SLC18B1: variants seen among roughly 807,000 people sequenced by gnomAD.
SLC18B1 encodes the protein MFS-type transporter SLC18B1.
Under a neutral mutation model 53.9 loss-of-function variants are expected in SLC18B1, and 62 were observed. The observed-to-expected ratio is 1.15, with a 90% CI of 0.94 to 1.42. The LOEUF (loss-of-function observed/expected upper bound fraction) is 1.42, where lower values mean the gene tolerates loss of function less well. SLC18B1 is among the 40% of genes most tolerant of loss of function. The probability of loss-of-function intolerance (pLI) is 0.00; values close to 1 mark genes in which losing one functional copy is unlikely to be tolerated. For synonymous variants in SLC18B1, 217 were observed against 200.9 expected (o/e 1.08, Z -0.68); for missense variants, 598 against 547.3 (o/e 1.09, Z -0.93).
At chr6:132,770,767 C>T in intron 13 of SLC18B1, 123 bp downstream of exon 13, 1 of 924,458 alleles carries the variant, frequency 1.1e-6, no homozygotes, top group East Asian at 2.4e-5. Context: ...TATCTACCAA[C>T]TGATGAGCCT....
chr6:132,790,064 A>G (rs529546442), intron 3 of SLC18B1, 113 bp downstream of exon 3: 1 of 844,606 alleles, frequency 1.2e-6, no homozygotes, highest in South Asian at 1.7e-5. Flanking sequence ...CACAATTTAT[A>G]AAACTATAAC....
chr6:132,787,831 G>A (rs1434600886), intron 4 of SLC18B1, among the ~76,000 whole-genome samples: 1 of 151,880 alleles, frequency 6.6e-6, no homozygotes, highest in Non-Finnish European at 1.5e-5. Context: ...GATATAACTG[G>A]TCCCCCAGAT....
In SLC18B1 at chr6:132,776,316, A is replaced by G. The variant is rs1781098161; in HGVS notation, c.897+12T>C. On this transcript the variant is annotated intron_variant, in intron 8 of 13. Coordinates refer to ENST00000275227, the MANE Select transcript of SLC18B1 (RefSeq NM_052831.3). ...TACAAAAGTGACTCAAATATAAATTAAGTGTACGTACTGGCCTTTTATCAC... is the reference window on the plus strand; with the variant it reads ...TACAAAAGTGACTCAAATATAAATTGAGTGTACGTACTGGCCTTTTATCAC... The G allele has an allele frequency of 6.3e-7, 1 of 1,591,718 alleles. No homozygotes were observed. Among genetic ancestry groups the G allele is most frequent in the African/African-American group, 1.3e-5 (1 of 74,558 alleles).
chr6:132,776,242 G>A, intron 8 of SLC18B1, 86 bp downstream of exon 8: 1 of 1,025,034 alleles, frequency 9.8e-7, no homozygotes, highest in South Asian at 1.4e-5. Flanking sequence ...TCTAACCAGT[G>A]GAATCCTAGA....
At chr6:132,793,381 T>G (rs1781597678) in intron 2 of SLC18B1, among the ~76,000 whole-genome samples, 1 of 152,232 alleles carries the variant, frequency 6.6e-6, no homozygotes, top group Admixed American at 6.5e-5. Context: ...TTTACAGCTT[T>G]TAAAGTTAGA....
At position 132,770,258 on chromosome 6, in the gene SLC18B1, G is replaced by A. The variant is rs1415885964; in HGVS notation, c.*12C>T. 3.7e-6 allele frequency: 6 copies of A among 1,606,332 alleles called. No individual in the cohort carries two copies. Among genetic ancestry groups the A allele is most frequent in the Non-Finnish European group, 5.1e-6 (6 of 1,173,002 alleles). On this transcript the variant is annotated 3_prime_UTR_variant, in exon 14 of 14. Transcript: ENST00000275227. ...CATTTCTCAACCTTGTATCAATCCAGGATCCATCGGACTAGGTTTCATTAG... is the reference window on the plus strand; with the variant it reads ...CATTTCTCAACCTTGTATCAATCCAAGATCCATCGGACTAGGTTTCATTAG...
chr6:132,796,845 G>C (rs1040707361), intron 2 of SLC18B1, 137 bp downstream of exon 2: 10 of 838,746 alleles, frequency 1.2e-5, no homozygotes, highest in Middle Eastern at 3.9e-4. Context: ...GTATTCTATT[G>C]GCTGGAGTTC....
At chr6:132,771,152 G>A in intron 11 of SLC18B1, 23 bp from the exon 12 acceptor site, 1 of 1,588,780 alleles carries the variant, frequency 6.3e-7, no homozygotes, top group Non-Finnish European at 8.6e-7. Flanking sequence ...AGAAGAAAAA[G>A]TATTCAATAG....
At chr6:132,795,169 GAAAA>G (rs11303053) in intron 2 of SLC18B1, among the ~76,000 whole-genome samples, 1 of 144,228 alleles carries the variant, frequency 6.9e-6, no homozygotes, top group Non-Finnish European at 1.5e-5. Flanking sequence ...TTTAAAAAAA[GAAAA>G]AAAAAAACAG....
intron 2 of SLC18B1, among the ~76,000 whole-genome samples, chr6:132,796,624 G>C (rs1396685417): frequency 1.3e-5 from 2 of 150,624 alleles, no homozygotes; most frequent in African/African-American, 4.9e-5. Flanking sequence ...AATAGTTACT[G>C]TCTTAACACA....
In SLC18B1 at chr6:132,780,941, T is replaced by C. The variant is rs563216691; in HGVS notation, c.659-1537A>G. On this transcript the variant is annotated intron_variant, in intron 6 of 13. Coordinates refer to ENST00000275227, the MANE Select transcript of SLC18B1 (RefSeq NM_052831.3). The stretch of plus-strand genomic sequence containing the variant: ...ATCCTTGATGCTCAACTACAGAAAC[T>C]GCAGGATGTAGTTGGACTTAGAAAG... Among the ~76,000 whole-genome samples the C allele has an allele frequency of 3.1e-4, 47 of 152,276 alleles. No homozygotes were observed. In the South Asian group the frequency reaches 9.3e-3, roughly 30 times the overall value.
At position 132,776,882 on chromosome 6, in the gene SLC18B1, G is replaced by C. The variant is rs555631320; in HGVS notation, c.796-453C>G. Among the ~76,000 whole-genome samples the C allele has an allele frequency of 2.4e-4, 37 of 152,266 alleles. 1 individual carries two copies. Among genetic ancestry groups the C allele is most frequent in the African/African-American group, 8.7e-4 (36 of 41,540 alleles). On this transcript the variant is annotated intron_variant, in intron 7 of 13. Transcript: ENST00000275227. ...GCTGCAGCACTTCCACCTGAAAAGG[G>C]AGCAGCAGTGGTGAGGCACCACCAA...
Position 132,797,016 on chromosome 6 carries a change from C to A in SLC18B1, c.149G>T (p.Cys50Phe). 3.1e-6 allele frequency: 5 copies of A among 1,614,064 alleles called. No individual in the cohort carries two copies. Among genetic ancestry groups the A allele is most frequent in the Non-Finnish European group, 3.4e-6 (4 of 1,179,992 alleles). Residue 50 changes from cysteine to phenylalanine, a missense_variant, in exon 2 of 14, where the codon TGC (cysteine) becomes TTC (phenylalanine). Cys to Phe is a radical substitution (Grantham distance 205). Coordinates refer to ENST00000275227, the MANE Select transcript of SLC18B1 (RefSeq NM_052831.3). ...AASVNLGSMMCYSILGPFFPK... is the reference protein window; with the variant it reads ...AASVNLGSMMFYSILGPFFPK... ...GAAAAACGGTCCAAGTATAGAATAG[C>A]ACATCATGGAACCTAAGTTCACCGA... is the stretch of plus-strand genomic sequence containing the variant.
rs577099996 is a variant in SLC18B1 at position 132,789,805 on chromosome 6, T to C, written c.312A>G (p.Val104=). The part of the protein sequence containing the change: ...LVHIGAKFMF[V]AGMFVSGGVT... ...CTCCTCCTGAGACAAACATTCCTGC[T>C]ACAAACATAAATTTTGCTCCAATAT... The change falls in exon 4 of 14, where the codon GTA becomes GTG. Residue 104 remains valine (V), a synonymous_variant. Transcript: ENST00000275227. 6.2e-7 allele frequency: 1 copy of C among 1,613,620 alleles called. No homozygotes were observed. Among genetic ancestry groups the C allele is most frequent in the South Asian group, 1.1e-5 (1 of 91,058 alleles).
intron 2 of SLC18B1, among the ~76,000 whole-genome samples, chr6:132,792,689 T>G (rs1180907809): frequency 2.0e-5 from 3 of 152,190 alleles, no homozygotes; most frequent in Admixed American, 6.5e-5. Flanking sequence ...TTCCATCATG[T>G]GCATGTTCCC....
rs1237671611 is a variant in SLC18B1 at position 132,789,763 on chromosome 6, C to T, written c.353+1G>A. ...CCAAATATAATCAGAAAATGACTTA[C>T]CCAAAGAGAATTGTAACTCCTCCTG... On this transcript the variant is annotated splice_donor_variant, in intron 4 of 13. Coordinates refer to ENST00000275227, the MANE Select transcript of SLC18B1 (RefSeq NM_052831.3). LOFTEE classifies it high-confidence loss of function. 2 of 1,609,858 alleles carry T rather than the reference C, an allele frequency of 1.2e-6. No homozygotes were observed. The highest frequency in any genetic ancestry group is 8.5e-7 in the Non-Finnish European group (1 of 1,176,450).
chr6:132,787,860 T>C (rs937267781), intron 4 of SLC18B1, among the ~76,000 whole-genome samples: 4 of 152,064 alleles, frequency 2.6e-5, no homozygotes, highest in African/African-American at 7.2e-5. Flanking sequence ...TAAATAAACT[T>C]TTTTGGAATA....
Position 132,787,573 on chromosome 6 carries a change from T to C in SLC18B1, c.362A>G (p.Asp121Gly). The C allele has an allele frequency of 6.4e-7, 1 of 1,570,066 alleles. No homozygotes were observed. Among genetic ancestry groups the C allele is most frequent in the Non-Finnish European group, 8.6e-7 (1 of 1,164,976 alleles). ...AAATACTGGCCCATCTGGAACTCGG[T>C]CCAATACACTAAAAAGGAATAAGAC... ...GGVTILFGVLDRVPDGPVFIA... is the reference protein window; with the variant it reads ...GGVTILFGVLGRVPDGPVFIA... Residue 121 changes from aspartate (D) to glycine (G), a missense_variant, in exon 5 of 14, where the codon GAC becomes GGC. Coordinates refer to ENST00000275227, the MANE Select transcript of SLC18B1 (RefSeq NM_052831.3).
chr6:132,792,285 AAGAAAGGAAGGAAGGAAGG>A (rs1562271449), intron 2 of SLC18B1, among the ~76,000 whole-genome samples: 33 of 56,238 alleles, frequency 5.9e-4, no homozygotes, highest in Non-Finnish European at 7.3e-4. Flanking sequence ...GAAAGAAAGG[AAGAAAGGAAGGAAGGAAGG>A]AAGGAAGGAA....
Sources: gnomAD v4.1 joint callset for allele counts (sites outside exome capture counted in the v4.1 genomes callset) on GRCh38, gnomAD v4.1.1 for gene constraint, MANE v1.5 for transcripts, NCBI Gene and HGNC (gene_info 2026-07-23, HGNC 2026-07-21) for gene names.